Variants in CDIN1 observed in about 807,000 individuals in gnomAD.
CDIN1 encodes CDAN1-interacting nuclease 1.
A neutral mutation model predicts 45.3 loss-of-function variants in CDIN1; 33 were observed. The ratio of observed to expected loss-of-function variants is 0.73; its 90% confidence interval spans 0.55 to 0.97. The LOEUF (loss-of-function observed/expected upper bound fraction) is 0.97. Ranked by LOEUF, CDIN1 falls within the 50% of genes least tolerant of loss-of-function variation. CDIN1 has a pLI of 0.00. For missense variants in CDIN1, 303 were observed against 339.4 expected, an observed-to-expected ratio of 0.89 and a Z score of 0.84; for synonymous variants, 118 against 124.4, an observed-to-expected ratio of 0.95 and a Z score of 0.34.
intron 1 of CDIN1, among the ~76,000 whole-genome samples, chr15:36,629,864 T>A (rs1460657604): frequency 6.6e-6 from 1 of 152,174 alleles, no homozygotes; most frequent in Non-Finnish European, 1.5e-5. Flanking sequence ...AAAGAAAATA[T>A]GTGAAGAATT....
rs377686353 is a variant in CDIN1, at chr15:36,644,504, A to G, written c.147+181A>G. On this transcript the variant is annotated intron_variant, in intron 2 of 10. Coordinates refer to ENST00000566621, the MANE Select transcript of CDIN1 (RefSeq NM_001321759.2). The stretch of plus-strand genomic sequence containing the variant: ...CCAAGCCTACCCATCCATCTGTCTA[A>G]TAACATCTAGCCTTTGCTTATTTGG... Among the ~76,000 whole-genome samples the G allele has an allele frequency of 3.0e-4, 46 of 152,106 alleles. 1 individual carries two copies. The South Asian group carries it at 7.9e-3, about 26-fold the overall frequency.
intron 1 of CDIN1, among the ~76,000 whole-genome samples, chr15:36,601,922 C>T (rs937046710): frequency 5.3e-5 from 8 of 152,332 alleles, no homozygotes; most frequent in African/African-American, 1.9e-4. Context: ...CATTAACTTG[C>T]ACCATACACC....
At position 36,659,980 on chromosome 15, in the gene CDIN1, T is replaced by TTTC. The variant is rs2040941896; in HGVS notation, c.346+2077_346+2078insCTT. Among the ~76,000 whole-genome samples the TTTC allele has an allele frequency of 2.7e-5, 4 of 147,574 alleles. No individual in the cohort carries two copies. In the South Asian group the frequency reaches 8.6e-4, roughly 32 times the overall value. On this transcript the variant is annotated intron_variant, in intron 5 of 10. Transcript: ENST00000566621. ...TCCTTCCTTTTCTTTTTTTTTTTTT[T>TTTC]TTTTCTTAAAGAACTTTAAGTTACT...
intron 1 of CDIN1, among the ~76,000 whole-genome samples, chr15:36,609,061 A>T (rs1376925287): frequency 6.6e-6 from 1 of 152,198 alleles, no homozygotes; most frequent in Non-Finnish European, 1.5e-5. Context: ...CCTAGGCTGG[A>T]GTGCAGTGAC....
At chr15:36,777,093 G>A (rs2054238480) in intron 10 of CDIN1, among the ~76,000 whole-genome samples, 1 of 151,994 alleles carries the variant, frequency 6.6e-6, no homozygotes, top group Non-Finnish European at 1.5e-5. Context: ...TTATCAGTAG[G>A]GATTACCATT....
chr15:36,613,763 G>A (rs1418917881), intron 1 of CDIN1: 3 of 1,600,730 alleles, frequency 1.9e-6, no homozygotes, highest in African/African-American at 2.7e-5. Context: ...TGAAAACCGG[G>A]CCTTAAAAGA....
At chr15:36,613,274 G>C (rs562712087) in intron 1 of CDIN1, among the ~76,000 whole-genome samples, 1 of 152,256 alleles carries the variant, frequency 6.6e-6, no homozygotes, top group East Asian at 1.9e-4. Context: ...GAGAGGAGGA[G>C]GGTCATTCTT....
At chr15:36,760,726 G>C (rs2053738090) in intron 10 of CDIN1, among the ~76,000 whole-genome samples, 1 of 152,102 alleles carries the variant, frequency 6.6e-6, no homozygotes, top group Non-Finnish European at 1.5e-5. Context: ...GGTGGTGGTG[G>C]TGCTGGTGGT....
At chr15:36,783,586 GC>G (rs2054407067) in intron 10 of CDIN1, among the ~76,000 whole-genome samples, 1 of 152,068 alleles carries the variant, frequency 6.6e-6, no homozygotes, top group Non-Finnish European at 1.5e-5. Context: ...TGAAACCAGA[GC>G]CACTTGTTTA....
intron 10 of CDIN1, among the ~76,000 whole-genome samples, chr15:36,770,008 C>T (rs530019132): frequency 1.2e-3 from 183 of 152,246 alleles, no homozygotes; most frequent in South Asian, 5.8e-3. Flanking sequence ...TCTTTTCTCT[C>T]CCCCATCTCT....
chr15:36,725,472 T>C (rs941987752), intron 10 of CDIN1, among the ~76,000 whole-genome samples: 1 of 152,002 alleles, frequency 6.6e-6, no homozygotes, highest in South Asian at 2.1e-4. Context: ...AATGAGGAGG[T>C]CTGTGTGCTA....
rs575584666 is a variant in CDIN1, at chr15:36,644,376, A to G, written c.147+53A>G. ...TGACAGGTGCCTAATTGAATGATGA[A>G]TGTCCCTTTATTTCTTTGTAATTGA... On this transcript the variant is annotated intron_variant, in intron 2 of 10. Coordinates refer to ENST00000566621, the MANE Select transcript of CDIN1 (RefSeq NM_001321759.2). 9.7e-6 allele frequency: 15 copies of G among 1,541,498 alleles called. No homozygotes were observed. In the African/African-American group the frequency reaches 1.9e-4, roughly 20 times the overall value.
intron 1 of CDIN1, among the ~76,000 whole-genome samples, chr15:36,584,354 A>G (rs1307788427): frequency 6.6e-6 from 1 of 152,136 alleles, no homozygotes; most frequent in Admixed American, 6.5e-5. Flanking sequence ...AAGATTGCTT[A>G]AGCCTGGGAG....
intron 1 of CDIN1, among the ~76,000 whole-genome samples, chr15:36,638,032 TA>T (rs1483713154): frequency 6.6e-6 from 1 of 152,220 alleles, no homozygotes; most frequent in Non-Finnish European, 1.5e-5. Flanking sequence ...TAAGTGGTTA[TA>T]TTTTTTTAAA....
At chr15:36,682,605 A>T (rs570802803) in intron 5 of CDIN1, among the ~76,000 whole-genome samples, 1 of 150,802 alleles carries the variant, frequency 6.6e-6, no homozygotes, top group Non-Finnish European at 1.5e-5. Context: ...TCTACAAAAA[A>T]AAAAAAACAA....
At chr15:36,773,071 G>C (rs1045821852) in intron 10 of CDIN1, among the ~76,000 whole-genome samples, 1 of 152,002 alleles carries the variant, frequency 6.6e-6, no homozygotes, top group Non-Finnish European at 1.5e-5. Flanking sequence ...TGTTTGTGGG[G>C]GGTGGGGGGA....
At chr15:36,686,413 G>T (rs2140664789) in intron 5 of CDIN1, among the ~76,000 whole-genome samples, 1 of 120,034 alleles carries the variant, frequency 8.3e-6, no homozygotes, top group South Asian at 3.2e-4. Context: ...ACTGTTGTGG[G>T]GTGGGGGGCG....
chr15:36,619,276 A>G (rs756942437), intron 1 of CDIN1: 54 of 1,136,886 alleles, frequency 4.7e-5, no homozygotes, highest in Middle Eastern at 3.2e-4. Context: ...GTAAAAAACA[A>G]CAAAACTATT....
chr15:36,669,664 T>G (rs892640193), intron 5 of CDIN1, among the ~76,000 whole-genome samples: 1 of 152,084 alleles, frequency 6.6e-6, no homozygotes, highest in African/African-American at 2.4e-5. Context: ...TACATTTAGC[T>G]GTCTTGTTTC....
Sources: gnomAD v4.1 joint callset for allele counts (sites outside exome capture counted in the v4.1 genomes callset) on GRCh38, gnomAD v4.1.1 for gene constraint, MANE v1.5 for transcripts, NCBI Gene and HGNC (gene_info 2026-07-23, HGNC 2026-07-21) for gene names.